PLCH1: variants seen among roughly 807,000 people sequenced by gnomAD.
PLCH1 encodes the protein 1-phosphatidylinositol 4,5-bisphosphate phosphodiesterase eta-1.
Under a neutral mutation model 126.7 loss-of-function variants are expected in PLCH1, and 60 were observed. The observed-to-expected ratio is 0.47, with a 90% CI of 0.38 to 0.59. The LOEUF is 0.59. Among genes scored for constraint, PLCH1 ranks in the 20% least tolerant of loss-of-function variants. The pLI is 0.00. For missense variants in PLCH1, 1,723 were observed against 2,040.0 expected (o/e 0.84, Z 2.99); for synonymous variants, 719 against 734.9 (o/e 0.98, Z 0.35).
At chr3:155,731,729 TC>T (rs1748784426) in intron 1 of PLCH1, among the ~76,000 whole-genome samples, 1 of 152,150 alleles carries the variant, frequency 6.6e-6, no homozygotes, top group Non-Finnish European at 1.5e-5. Flanking sequence ...ATGTCTGTAA[TC>T]CTAGCACTTT....
chr3:155,730,002 T>C lies in PLCH1; in HGVS notation c.-41+14838A>G, dbSNP rs1035581757. ...TGAGAATGGCCTCTCTTTAGAAGGA[T>C]AATAGTCATAATAAAAATTATAGTT... is the stretch of plus-strand genomic sequence containing the variant. On this transcript the variant is annotated intron_variant, in intron 1 of 22. Transcript: ENST00000460012. 8.6e-5 allele frequency among the ~76,000 whole-genome samples: 13 copies of C among 151,850 alleles called. No homozygotes were observed. The East Asian group carries it at 2.5e-3, about 29-fold the overall frequency.
chr3:155,677,371 T>C (rs912751378), intron 2 of PLCH1, among the ~76,000 whole-genome samples: 1 of 152,234 alleles, frequency 6.6e-6, no homozygotes, highest in Non-Finnish European at 1.5e-5. Flanking sequence ...CAAACTACAC[T>C]ATTTACTTTC....
intron 12 of PLCH1, among the ~76,000 whole-genome samples, chr3:155,512,553 A>G (rs17454899): frequency 0.062 from 9,245 of 148,690 alleles, 374 homozygotes; most frequent in South Asian, 0.087. Context: ...GGTGAGTACA[A>G]GTTATCTATG....
chr3:155,460,752 T>C (rs1321676849), intron 21 of PLCH1, among the ~76,000 whole-genome samples: 1 of 151,330 alleles, frequency 6.6e-6, no homozygotes, highest in Non-Finnish European at 1.5e-5. Context: ...TACACAAAGA[T>C]AGATGATAGA....
chr3:155,565,847 C>T (rs936029717), intron 7 of PLCH1, among the ~76,000 whole-genome samples: 1 of 151,484 alleles, frequency 6.6e-6, no homozygotes, highest in Non-Finnish European at 1.5e-5. Flanking sequence ...AGGCATGCGC[C>T]ACTGCGTGTA....
At chr3:155,627,526 T>C (rs1414888263) in intron 2 of PLCH1, among the ~76,000 whole-genome samples, 1 of 151,456 alleles carries the variant, frequency 6.6e-6, no homozygotes, top group Non-Finnish European at 1.5e-5. Context: ...ACCAACTACT[T>C]GGGAGGCTGA....
intron 2 of PLCH1, among the ~76,000 whole-genome samples, chr3:155,700,183 T>C (rs977017270): frequency 6.6e-6 from 1 of 152,180 alleles, no homozygotes; most frequent in African/African-American, 2.4e-5. Context: ...CAGGATCCCG[T>C]TTCAGCCTAC....
intron 2 of PLCH1, among the ~76,000 whole-genome samples, chr3:155,702,002 G>A (rs767465560): frequency 6.6e-6 from 1 of 152,130 alleles, no homozygotes; most frequent in African/African-American, 2.4e-5. Context: ...TTAATCTTGG[G>A]AGGATTTAAT....
chr3:155,482,356 G>A lies in PLCH1; in HGVS notation c.3670C>T (p.Leu1224=), dbSNP rs1055863479. The change falls in exon 23 of 23, where the codon CTG becomes TTG. Residue 1224 remains leucine, a synonymous_variant. Transcript: ENST00000460012. ...TGCTTGATGGGCATTTTTAGGCCCAGGCTAGGCAAGGGACAATGGCCTGAC... is the reference window on the plus strand; with the variant it reads ...TGCTTGATGGGCATTTTTAGGCCCAAGCTAGGCAAGGGACAATGGCCTGAC... The part of the protein sequence containing the change: ...VMSGHCPLPS[L]GLKMPIKHGF... The A allele has an allele frequency of 1.8e-5, 29 of 1,614,064 alleles. No individual in the cohort carries two copies. The highest frequency in any genetic ancestry group is 2.0e-5 in the Non-Finnish European group (24 of 1,180,040).
chr3:155,589,374 T>G (rs903157492), intron 4 of PLCH1, among the ~76,000 whole-genome samples: 1 of 152,178 alleles, frequency 6.6e-6, no homozygotes, highest in Non-Finnish European at 1.5e-5. Context: ...AAACCTTTAT[T>G]AAAATTTCAG....
rs1400218919 is a variant in PLCH1 at position 155,485,702 on chromosome 3, T to C, written c.2628A>G (p.Gln876=). ...TINEIYGKNR[Q]LQGLKGLFNK... ...TGAACAGTCCCTTCAGACCCTGGAG[T>C]TGTCTGTTCTGAAGACACAAAAGAA... The change falls in exon 22 of 23, where the codon CAA becomes CAG. Residue 876 remains glutamine (Q), a synonymous_variant. Transcript: ENST00000460012. 3 of 1,591,966 alleles carry C rather than the reference T, an allele frequency of 1.9e-6. No individual in the cohort carries two copies. The highest frequency in any genetic ancestry group is 2.2e-5 in the East Asian group (1 of 44,732).
At chr3:155,645,235 G>A (rs1453207271) in intron 2 of PLCH1, among the ~76,000 whole-genome samples, 3 of 152,086 alleles carry the variant, frequency 2.0e-5, no homozygotes, top group African/African-American at 7.2e-5. Flanking sequence ...GTTTTACTAT[G>A]TTGCCCAGGC....
intron 1 of PLCH1, among the ~76,000 whole-genome samples, chr3:155,734,203 A>G (rs1203226697): frequency 6.6e-6 from 1 of 152,066 alleles, no homozygotes; most frequent in East Asian, 1.9e-4. Flanking sequence ...TCATGTTTGT[A>G]ATCCCAAGAC....
intron 21 of PLCH1, among the ~76,000 whole-genome samples, chr3:155,454,706 T>A (rs1335076798): frequency 3.3e-5 from 5 of 152,250 alleles, no homozygotes. Context: ...CAGTCATGTC[T>A]CAGTCTTTTT....
chr3:155,466,234 T>G (rs1165562951), intron 21 of PLCH1, among the ~76,000 whole-genome samples: 2 of 152,150 alleles, frequency 1.3e-5, no homozygotes, highest in African/African-American at 2.4e-5. Flanking sequence ...ATAGCAGTGG[T>G]GACTACAGGG....
At position 155,480,861 on chromosome 3, in the gene PLCH1, T is replaced by C. The variant is rs1713900122; in HGVS notation, c.*107A>G. The C allele has an allele frequency of 9.9e-7, 1 of 1,007,032 alleles. No homozygotes were observed. Among genetic ancestry groups the C allele is most frequent in the Non-Finnish European group, 1.5e-6 (1 of 687,022 alleles). 62.4% of individuals were successfully genotyped at this position (1,007,032 alleles called of 1,614,324 possible). A position where few individuals can be genotyped will look rare whatever the true frequency, so the allele number is the denominator to read the frequency against. ...GTCAAAGGGAGACCCAAATACAAGTTTAAAAATACATTTGAAAATCATTCC... is the reference window on the plus strand; with the variant it reads ...GTCAAAGGGAGACCCAAATACAAGTCTAAAAATACATTTGAAAATCATTCC... On this transcript the variant is annotated 3_prime_UTR_variant, in exon 23 of 23. Transcript: ENST00000460012.
rs1334039957 is a variant in PLCH1 at position 155,482,777 on chromosome 3, A to C, written c.3249T>G (p.Ala1083=). 4 of 1,613,994 alleles carry C rather than the reference A, an allele frequency of 2.5e-6. No homozygotes were observed. Among genetic ancestry groups the C allele is most frequent in the Non-Finnish European group, 3.4e-6 (4 of 1,180,012 alleles). The change falls in exon 23 of 23, where the codon GCT becomes GCG. Residue 1083 remains alanine, a synonymous_variant. Coordinates refer to ENST00000460012, the MANE Select transcript of PLCH1 (RefSeq NM_014996.4). ...GTGTGGGGTTAACTACAGGATCGGG[A>C]GCCAAATGCTGCTTTGGGGAGAGAG... ...SKSLSPKQHL[A]PDPVVNPTQD...
chr3:155,666,494 C>A (rs1742739441), intron 2 of PLCH1, among the ~76,000 whole-genome samples: 1 of 152,146 alleles, frequency 6.6e-6, no homozygotes, highest in African/African-American at 2.4e-5. Context: ...TTAATTTATA[C>A]AACTGGGCTA....
intron 21 of PLCH1, among the ~76,000 whole-genome samples, chr3:155,463,293 T>C (rs1712798777): frequency 6.6e-6 from 1 of 152,242 alleles, no homozygotes; most frequent in East Asian, 1.9e-4. Flanking sequence ...CCATAGGTGA[T>C]ATGTTTCTAA....
Sources: allele counts gnomAD v4.1 joint callset (sites outside exome capture counted in the v4.1 genomes callset), GRCh38; gene constraint gnomAD v4.1.1; transcripts MANE v1.5; gene names NCBI Gene and HGNC (gene_info 2026-07-23, HGNC 2026-07-21).